The following CADPS2 variants were observed in gnomAD, a reference collection of about 807,000 sequenced individuals.
CADPS2 encodes calcium dependent secretion activator 2.
CADPS2 carries 93 observed loss-of-function variants against 172.5 expected under a neutral mutation model. The observed-to-expected ratio is 0.54, with a 90% CI of 0.46 to 0.64. The LOEUF is 0.64. CADPS2 is among the 30% of genes least tolerant of loss of function. CADPS2 has a pLI of 0.00. For synonymous variants in CADPS2, 546 were observed against 555.2 expected (o/e 0.98, Z 0.23); for missense variants, 1,420 against 1,565.9 (o/e 0.91, Z 1.57).
intron 2 of CADPS2, among the ~76,000 whole-genome samples, chr7:122,736,358 T>C (rs939356162): frequency 1.3e-5 from 2 of 152,158 alleles, no homozygotes; most frequent in Non-Finnish European, 2.9e-5. Flanking sequence ...GAATTGCTTA[T>C]GCAAAAAGTG....
At chr7:122,877,652 A>G (rs1428153882) in intron 1 of CADPS2, among the ~76,000 whole-genome samples, 1 of 152,206 alleles carries the variant, frequency 6.6e-6, no homozygotes, top group Non-Finnish European at 1.5e-5. Context: ...TATAAATGCA[A>G]GAGATCTATA....
chr7:122,816,980 C>A (rs1274942836), intron 1 of CADPS2, among the ~76,000 whole-genome samples: 1 of 151,410 alleles, frequency 6.6e-6, no homozygotes, highest in African/African-American at 2.4e-5. Flanking sequence ...CCTTGCGACC[C>A]CCACTCCTGC....
At chr7:122,675,776 A>C (rs185933731) in intron 2 of CADPS2, among the ~76,000 whole-genome samples, 149 of 152,272 alleles carry the variant, frequency 9.8e-4, no homozygotes, top group African/African-American at 3.4e-3. Flanking sequence ...CAATGAGAAC[A>C]CATGCACGCA....
intron 9 of CADPS2, among the ~76,000 whole-genome samples, chr7:122,500,116 A>T (rs1197752465): frequency 2.0e-5 from 3 of 152,200 alleles, no homozygotes; most frequent in Non-Finnish European, 4.4e-5. Context: ...TGCCAAGCAG[A>T]AAAATATCAC....
intron 1 of CADPS2, among the ~76,000 whole-genome samples, chr7:122,805,152 ATCAT>A (rs1403683935): frequency 1.4e-5 from 2 of 143,134 alleles, no homozygotes; most frequent in Admixed American, 6.7e-5. Flanking sequence ...AGCATTTTCA[ATCAT>A]TATTATTATT....
intron 1 of CADPS2, among the ~76,000 whole-genome samples, chr7:122,799,385 G>A (rs1376579730): frequency 6.6e-6 from 1 of 151,964 alleles, no homozygotes; most frequent in Non-Finnish European, 1.5e-5. Context: ...GGATCACGAG[G>A]TCAGGAGATC....
At position 122,419,616 on chromosome 7, in the gene CADPS2, T is replaced by C. The variant is rs145154794; in HGVS notation, c.2477-3452A>G. Among the ~76,000 whole-genome samples, 1,200 of 152,282 alleles carry C rather than the reference T, an allele frequency of 7.9e-3. 9 individuals carry two copies. Among genetic ancestry groups the C allele is most frequent in the Non-Finnish European group, 0.012 (783 of 68,014 alleles). ...CTTTCATCAGATTCTCAAAGTTGTCTATAAACCAAACAGATGCTAAGAAGC... is the reference window on the plus strand; with the variant it reads ...CTTTCATCAGATTCTCAAAGTTGTCCATAAACCAAACAGATGCTAAGAAGC... On this transcript the variant is annotated intron_variant, in intron 17 of 29. Transcript: ENST00000449022.
intron 9 of CADPS2, among the ~76,000 whole-genome samples, chr7:122,497,240 C>G (rs2058811191): frequency 6.6e-6 from 1 of 152,068 alleles, no homozygotes; most frequent in Non-Finnish European, 1.5e-5. Context: ...TGAACAACAA[C>G]TGGGGTTTTT....
chr7:122,836,091 C>G (rs571511621), intron 1 of CADPS2, among the ~76,000 whole-genome samples: 13 of 152,186 alleles, frequency 8.5e-5, no homozygotes, highest in Non-Finnish European at 1.9e-4. Flanking sequence ...TCAGCAGAAA[C>G]TCTACAAGCC....
intron 7 of CADPS2, among the ~76,000 whole-genome samples, chr7:122,578,569 A>T (rs1275827299): frequency 6.6e-6 from 1 of 152,074 alleles, no homozygotes; most frequent in Non-Finnish European, 1.5e-5. Flanking sequence ...GCAGATCTAG[A>T]GTGGGGTCTG....
chr7:122,886,406 G>C lies in CADPS2; in HGVS notation c.-69C>G. 7.0e-7 allele frequency: 1 copy of C among 1,434,244 alleles called. No homozygotes were observed. Among genetic ancestry groups the C allele is most frequent in the East Asian group, 3.0e-5 (1 of 33,264 alleles). 88.8% of individuals were successfully genotyped at this position (1,434,244 alleles called of 1,614,324 possible). ...CCTCACCCCCGGCGGCTGCGCCCGC[G>C]GGTCTGAGGGAGCCGCGGGGCTGGC... On this transcript the variant is annotated 5_prime_UTR_variant, in exon 1 of 30. Transcript: ENST00000449022.
chr7:122,625,239 G>A (rs1002639623), intron 4 of CADPS2, among the ~76,000 whole-genome samples: 7 of 151,942 alleles, frequency 4.6e-5, no homozygotes, highest in South Asian at 2.1e-4. Context: ...TAGTAGAGAC[G>A]GGGTTTCTCC....
At position 122,361,248 on chromosome 7, in the gene CADPS2, A is replaced by ATTTTTT. The variant is rs1181719835; in HGVS notation, c.3388-236_3388-235insAAAAAA. On this transcript the variant is annotated intron_variant, in intron 25 of 29. Coordinates refer to ENST00000449022, the MANE Select transcript of CADPS2 (RefSeq NM_017954.11). ...ACTTTTTTTTTTTTTTTTTTTTTTAAAATGAGATGGAGGCTTGCTCTGTCA... is the reference window on the plus strand; with the variant it reads ...ACTTTTTTTTTTTTTTTTTTTTTTAATTTTTTAATGAGATGGAGGCTTGCTCTGTCA... Among the ~76,000 whole-genome samples the ATTTTTT allele has an allele frequency of 8.1e-5, 9 of 111,174 alleles. 2 individuals carry two copies. Among genetic ancestry groups the ATTTTTT allele is most frequent in the African/African-American group, 1.1e-4 (3 of 26,900 alleles). 72.9% of individuals were successfully genotyped at this position (111,174 alleles called of 152,430 possible). A position where few individuals can be genotyped will look rare whatever the true frequency, so the allele number is the denominator to read the frequency against.
chr7:122,366,001 C>A (rs1027881022), intron 25 of CADPS2, among the ~76,000 whole-genome samples: 4 of 151,992 alleles, frequency 2.6e-5, no homozygotes, highest in Non-Finnish European at 4.4e-5. Flanking sequence ...ATTTACACTG[C>A]ACGTTATAAA....
intron 1 of CADPS2, among the ~76,000 whole-genome samples, chr7:122,802,599 T>C (rs746693579): frequency 2.6e-5 from 4 of 152,176 alleles, no homozygotes; most frequent in Non-Finnish European, 5.9e-5. Flanking sequence ...AACTAAACAA[T>C]GCTTACCCTC....
intron 1 of CADPS2, among the ~76,000 whole-genome samples, chr7:122,759,190 T>C (rs964246132): frequency 6.6e-6 from 1 of 152,096 alleles, no homozygotes; most frequent in Non-Finnish European, 1.5e-5. Flanking sequence ...CTTGTCTGTT[T>C]GGGTTTGTTT....
chr7:122,650,200 A>T lies in CADPS2; in HGVS notation c.786+13037T>A, dbSNP rs1450644774. The stretch of plus-strand genomic sequence containing the variant: ...GCTGGGATTACAGGTGTGAGCTACT[A>T]CGCCCGGCCAATGAACATTTTTGAA... On this transcript the variant is annotated intron_variant, in intron 3 of 29. Transcript: ENST00000449022. Among the ~76,000 whole-genome samples the T allele has an allele frequency of 4.0e-5, 6 of 151,608 alleles. No individual in the cohort carries two copies. In the East Asian group the frequency reaches 1.2e-3, roughly 29 times the overall value.
intron 17 of CADPS2, among the ~76,000 whole-genome samples, chr7:122,417,606 T>A (rs1456478904): frequency 1.3e-5 from 2 of 152,188 alleles, no homozygotes; most frequent in Non-Finnish European, 2.9e-5. Context: ...AAGCATGAAG[T>A]CAAGGAGGCT....
At chr7:122,468,501 C>T (rs4731058) in intron 14 of CADPS2, among the ~76,000 whole-genome samples, 97,899 of 152,034 alleles carry the variant, frequency 0.64, 31,688 homozygotes, top group African/African-American at 0.72. Context: ...TAACTACATA[C>T]TTTTTACTTT....
Sources: allele counts gnomAD v4.1 joint callset (sites outside exome capture counted in the v4.1 genomes callset), GRCh38; gene constraint gnomAD v4.1.1; transcripts MANE v1.5; gene names NCBI Gene and HGNC (gene_info 2026-07-23, HGNC 2026-07-21).